Variants in ABHD2 observed in about 807,000 individuals in gnomAD.
The protein encoded by ABHD2 is monoacylglycerol lipase ABHD2.
Under a neutral mutation model 48.1 loss-of-function variants are expected in ABHD2, and 20 were observed. The ratio of observed to expected loss-of-function variants is 0.42; its 90% CI spans 0.29 to 0.60. The LOEUF is 0.60. ABHD2 is among the 20% of genes least tolerant of loss of function. ABHD2 has a pLI of 0.24. For missense variants in ABHD2, 405 were observed against 550.9 expected (o/e 0.74, Z 2.65); for synonymous variants, 209 against 214.2 (o/e 0.98, Z 0.21).
intron 3 of ABHD2, among the ~76,000 whole-genome samples, chr15:89,134,600 A>G (rs1053186738): frequency 8.5e-5 from 13 of 152,122 alleles, no homozygotes; most frequent in Admixed American, 6.5e-5. Context: ...TTTCTTGGCT[A>G]TTATAGCTGG....
At position 89,184,525 on chromosome 15, in the gene ABHD2, A is replaced by T. The variant is rs989469501; in HGVS notation, c.723-899A>T. Among the ~76,000 whole-genome samples the T allele has an allele frequency of 6.6e-6, 1 of 152,130 alleles. No individual in the cohort carries two copies. The highest frequency in any genetic ancestry group is 2.4e-5 in the African/African-American group (1 of 41,418). ...CCGCCTGCGTTTGGATTCACGCCCA[A>T]GGGAGGAGAGCAGTGAGTGGGGAGG... On this transcript the variant is annotated intron_variant, in intron 6 of 10. Coordinates refer to ENST00000352732, the MANE Select transcript of ABHD2 (RefSeq NM_152924.5). This position sits in a 1 kb window ranked among gnomAD's most constrained non-coding sequence, Gnocchi z 5.1.
At chr15:89,096,831 A>G (rs1382187304) in intron 1 of ABHD2, among the ~76,000 whole-genome samples, 1 of 152,222 alleles carries the variant, frequency 6.6e-6, no homozygotes, top group Non-Finnish European at 1.5e-5. Flanking sequence ...TACCTTCTAC[A>G]TTAATGAAAG....
In ABHD2 at chr15:89,174,137, T is replaced by A. The variant is rs116473345; in HGVS notation, c.539-1675T>A. ...TGTGCATTTTCCTGTATGTATGTTA[T>A]ACCCCATTAAAAATAAAAAAGAATA... On this transcript the variant is annotated intron_variant, in intron 5 of 10. Coordinates refer to ENST00000352732, the MANE Select transcript of ABHD2 (RefSeq NM_152924.5). This position sits in a 1 kb window ranked among gnomAD's most constrained non-coding sequence, Gnocchi z 4.1. Among the ~76,000 whole-genome samples the A allele has an allele frequency of 0.055, 8,344 of 152,184 alleles. 804 individuals carry two copies. The highest frequency in any genetic ancestry group is 0.19 in the African/African-American group (7,911 of 41,468).
the ABHD2 span, among the ~76,000 whole-genome samples, chr15:89,056,421 A>G: frequency 2.6e-5 from 4 of 152,224 alleles, no homozygotes; most frequent in African/African-American, 7.2e-5. Flanking sequence ...TAATTCCTTC[A>G]GGCACCGGGC....
At chr15:89,055,401 A>G in the ABHD2 span, among the ~76,000 whole-genome samples, 3 of 142,232 alleles carry the variant, frequency 2.1e-5, no homozygotes, top group Admixed American at 2.3e-4. Flanking sequence ...ATCTCATCTC[A>G]CTGCAACCTC....
chr15:89,155,632 C>G lies in ABHD2; in HGVS notation c.538+98C>G. On this transcript the variant is annotated intron_variant, in intron 5 of 10. Coordinates refer to ENST00000352732, the MANE Select transcript of ABHD2 (RefSeq NM_152924.5). The surrounding 1 kb of genome is among the most constrained non-coding windows in gnomAD (Gnocchi z 4.9). ...CTTTTTTTAAGTTTTAAACCTATGCCCATCTGCAAGAGATGGTAGGTCACA... is the reference window on the plus strand; with the variant it reads ...CTTTTTTTAAGTTTTAAACCTATGCGCATCTGCAAGAGATGGTAGGTCACA... 1.4e-6 allele frequency: 2 copies of G among 1,438,032 alleles called. No individual in the cohort carries two copies. Among genetic ancestry groups the G allele is most frequent in the East Asian group, 2.3e-5 (1 of 43,308 alleles). 89.1% of individuals were successfully genotyped at this position (1,438,032 alleles called of 1,614,324 possible).
rs1555429068 is a variant in ABHD2, at chr15:89,135,143, C to CTTTTCTTTTTTTTTT, written c.195-16530_195-16529insCTTTTTTTTTTTTTT. On this transcript the variant is annotated intron_variant, in intron 3 of 10. Transcript: ENST00000352732. Reference sequence around the variant, plus strand: ...GTCAACAAAATGGCTACAACTTTTTCTTTTTTTTTTTTTTTTTTGCAATTA... The same window carrying CTTTTCTTTTTTTTTT: ...GTCAACAAAATGGCTACAACTTTTTCTTTTCTTTTTTTTTTTTTTTTTTTTTTTTTTTTGCAATTA... 8.9e-5 allele frequency among the ~76,000 whole-genome samples: 10 copies of CTTTTCTTTTTTTTTT among 112,170 alleles called. 2 individuals are homozygous for CTTTTCTTTTTTTTTT. Among genetic ancestry groups the CTTTTCTTTTTTTTTT allele is most frequent in the Admixed American group, 1.8e-4 (2 of 10,848 alleles). 73.6% of individuals were successfully genotyped at this position (112,170 alleles called of 152,430 possible).
chr15:89,109,836 A>G (rs1252485227), intron 1 of ABHD2, among the ~76,000 whole-genome samples: 3 of 152,218 alleles, frequency 2.0e-5, no homozygotes, highest in Non-Finnish European at 4.4e-5. Context: ...TCTACATTTT[A>G]TACAGTCGTT....
intron 1 of ABHD2, among the ~76,000 whole-genome samples, chr15:89,098,678 G>A (rs915542418): frequency 3.4e-4 from 52 of 152,052 alleles, no homozygotes; most frequent in African/African-American, 1.3e-3. Context: ...CTAAATAGTG[G>A]GATGATGGAA....
At chr15:89,162,225 GA>G (rs1249385965) in intron 5 of ABHD2, among the ~76,000 whole-genome samples, 1 of 152,096 alleles carries the variant, frequency 6.6e-6, no homozygotes, top group Non-Finnish European at 1.5e-5. Flanking sequence ...CATCACAACG[GA>G]AACACTTAAA....
rs536179417 is a variant in ABHD2, at chr15:89,171,873, C to T, written c.539-3939C>T. Among the ~76,000 whole-genome samples, 3 of 152,316 alleles carry T rather than the reference C, an allele frequency of 2.0e-5. No individual in the cohort carries two copies. In the South Asian group the frequency reaches 6.2e-4, roughly 32 times the overall value. On this transcript the variant is annotated intron_variant, in intron 5 of 10. Coordinates refer to ENST00000352732, the MANE Select transcript of ABHD2 (RefSeq NM_152924.5). ...AACACCCATGGCCAGATCCCACCCC[C>T]AGACGTTCTGACTTAATGAAGCTGG...
At chr15:89,125,697 A>G (rs572508844) in intron 3 of ABHD2, among the ~76,000 whole-genome samples, 127 of 152,204 alleles carry the variant, frequency 8.3e-4, no homozygotes, top group Non-Finnish European at 1.2e-3. Context: ...CACCCTCTCA[A>G]CTACTCACTA....
rs2051201283 is a variant in ABHD2 at position 89,185,962 on chromosome 15, G to A, written c.815+446G>A. ...AGCCTGGGTGACAGAGCGAGACCCT[G>A]TCTGAAAAAAAAGAAAAGAAACCTG... On this transcript the variant is annotated intron_variant, in intron 7 of 10. Transcript: ENST00000352732. The surrounding 1 kb of genome is among the most constrained non-coding windows in gnomAD (Gnocchi z 5.9). 6.6e-6 allele frequency among the ~76,000 whole-genome samples: 1 copy of A among 152,136 alleles called. No homozygotes were observed. The highest frequency in any genetic ancestry group is 2.1e-4 in the South Asian group (1 of 4,830).
chr15:89,121,455 T>A (rs930932039), intron 3 of ABHD2, among the ~76,000 whole-genome samples: 1 of 150,722 alleles, frequency 6.6e-6, no homozygotes, highest in African/African-American at 2.5e-5. Flanking sequence ...TGTCTCCCTT[T>A]GGCTTTTTTT....
upstream of ABHD2, among the ~76,000 whole-genome samples, chr15:89,084,145 C>T (rs1721691167): frequency 1.3e-5 from 2 of 150,966 alleles, no homozygotes; most frequent in African/African-American, 4.9e-5. The surrounding 1 kb of genome is among the most constrained non-coding windows in gnomAD (Gnocchi z 4.4). Context: ...GTCCTCAAAC[C>T]GTTTTTGGTA....
At chr15:89,108,966 T>C (rs1272609128) in intron 1 of ABHD2, among the ~76,000 whole-genome samples, 1 of 152,200 alleles carries the variant, frequency 6.6e-6, no homozygotes, top group African/African-American at 2.4e-5. Context: ...CTACTTCTAA[T>C]CTAACCTTCT....
At chr15:89,068,754 C>CTTTTTTTTT in the ABHD2 span, among the ~76,000 whole-genome samples, 1,395 of 71,376 alleles carry the variant, frequency 0.02, 251 homozygotes, top group East Asian at 0.039. Context: ...CAAGCTTCCT[C>CTTTTTTTTT]TTTTTTTTTT....
In ABHD2 at chr15:89,175,186, A is replaced by C. The variant is rs1296934602; in HGVS notation, c.539-626A>C. Among the ~76,000 whole-genome samples, 1 of 152,224 alleles carries C rather than the reference A, an allele frequency of 6.6e-6. No homozygotes were observed. The highest frequency in any genetic ancestry group is 6.5e-5 in the Admixed American group (1 of 15,288). On this transcript the variant is annotated intron_variant, in intron 5 of 10. Coordinates refer to ENST00000352732, the MANE Select transcript of ABHD2 (RefSeq NM_152924.5). This position sits in a 1 kb window ranked among gnomAD's most constrained non-coding sequence, Gnocchi z 5.7. ...ATCCCAATTTGTAGCCTAGGAAGCT[A>C]ATCTCAAAGGATTTTGCTCTTGCAT...
chr15:89,185,333 C>T lies in ABHD2; in HGVS notation c.723-91C>T, dbSNP rs748169360. 7 of 956,752 alleles carry T rather than the reference C, an allele frequency of 7.3e-6. No homozygotes were observed. The highest frequency in any genetic ancestry group is 2.1e-5 in the Admixed American group (1 of 46,758). The allele number at this position is 956,752 out of a possible 1,614,324, so 59.3% of individuals were successfully genotyped here. ...AGCCTGAGAGCCGGCCCTCTCCACA[C>T]AAGCACCTCACCCCATGGCTAGAGC... On this transcript the variant is annotated intron_variant, in intron 6 of 10. Coordinates refer to ENST00000352732, the MANE Select transcript of ABHD2 (RefSeq NM_152924.5). The surrounding 1 kb of genome is among the most constrained non-coding windows in gnomAD (Gnocchi z 5.9).
Sources: gnomAD v4.1 joint callset for allele counts (sites outside exome capture counted in the v4.1 genomes callset) on GRCh38, gnomAD v4.1.1 for gene constraint, Gnocchi (gnomAD v3.1) non-coding constraint, MANE v1.5 for transcripts, NCBI Gene and HGNC (gene_info 2026-07-23, HGNC 2026-07-21) for gene names.